The following SCN1A variants were observed in gnomAD, a reference collection of about 807,000 sequenced individuals.
SCN1A encodes sodium voltage-gated channel alpha subunit 1, also known as sodium channel protein type 1 subunit alpha.
SCN1A carries 13 observed loss-of-function variants against 193.7 expected under a neutral mutation model. The ratio of observed to expected loss-of-function variants is 0.07; its 90% confidence interval spans 0.04 to 0.11. The LOEUF (loss-of-function observed/expected upper bound fraction) is 0.11, where lower values mean the gene tolerates loss of function less well. Among genes scored for constraint, SCN1A ranks in the 10% least tolerant of loss-of-function variants. The pLI is 1.00. For missense variants in SCN1A, 1,432 were observed against 2,451.1 expected (o/e 0.58, Z 8.78); for synonymous variants, 781 against 843.6 (o/e 0.93, Z 1.29).
At chr2:166,054,159 G>T (rs1401514997) in intron 7 of SCN1A, among the ~76,000 whole-genome samples, 6 of 151,832 alleles carry the variant, frequency 4.0e-5, no homozygotes, top group South Asian at 2.1e-4. Context: ...AGTTTGATTT[G>T]TCAGATCGTT....
At chr2:166,096,280 T>C (rs1687365163) in intron 2 of SCN1A, among the ~76,000 whole-genome samples, 1 of 152,026 alleles carries the variant, frequency 6.6e-6, no homozygotes, top group South Asian at 2.1e-4. Context: ...GGATGAAAAA[T>C]CACTTTTTTT....
At chr2:166,116,222 G>A (rs1412765967) in intron 2 of SCN1A, among the ~76,000 whole-genome samples, 2 of 152,220 alleles carry the variant, frequency 1.3e-5, no homozygotes, top group African/African-American at 2.4e-5. Flanking sequence ...TGGAGATCAG[G>A]TTCTAATTGA....
In SCN1A at chr2:166,073,435, A is replaced by G. The variant is rs121917907; in HGVS notation, c.187T>C (p.Phe63Leu). Residue 63 changes from phenylalanine to leucine, a missense_variant, in exon 4 of 29, where the codon TTT (phenylalanine) becomes CTT (leucine). Phe to Leu is a conservative substitution (Grantham distance 22, BLOSUM62 0). This residue lies in a region of SCN1A where 123 missense variants were observed against 282.8 expected (regional missense o/e 0.43). Coordinates refer to ENST00000674923, the MANE Select transcript of SCN1A (RefSeq NM_001165963.4). ...SDLEAGKNLP[F>L]IYGDIPPEMV... ...TCTGGAGGAATGTCTCCATAAATAA[A>G]TGGAAGGTTCTTTCCAGCTTCCAAG... is the stretch of plus-strand genomic sequence containing the variant. 3 of 1,614,072 alleles carry G rather than the reference A, an allele frequency of 1.9e-6. No individual in the cohort carries two copies. The highest frequency in any genetic ancestry group is 1.7e-5 in the Admixed American group (1 of 60,006).
chr2:166,059,106 G>A (rs367641266), intron 4 of SCN1A, among the ~76,000 whole-genome samples: 32 of 152,092 alleles, frequency 2.1e-4, no homozygotes, highest in African/African-American at 7.0e-4. Context: ...CCTGTGGAAC[G>A]CAAAATCATT....
At chr2:166,050,011 T>C (rs1698343382) in intron 9 of SCN1A, among the ~76,000 whole-genome samples, 1 of 152,044 alleles carries the variant, frequency 6.6e-6, no homozygotes, top group Non-Finnish European at 1.5e-5. Flanking sequence ...CATAGTTCTG[T>C]ACAGGACACA....
chr2:166,067,240 C>G (rs1683935291), intron 4 of SCN1A, among the ~76,000 whole-genome samples: 1 of 152,054 alleles, frequency 6.6e-6, no homozygotes, highest in African/African-American at 2.4e-5. Flanking sequence ...TTGTCACCTC[C>G]CTGTCTCTGT....
At position 166,044,053 on chromosome 2, in the gene SCN1A, G is replaced by T. The variant is rs774453092; in HGVS notation, c.1663-4C>A. ...AGCCACGGATGCTCAACAAAGACTA[G>T]AAGTTTGAAAGAGCAAACAAATAAA... On this transcript the variant is annotated splice_polypyrimidine_tract_variant and splice_region_variant and intron_variant, in intron 13 of 28. Coordinates refer to ENST00000674923, the MANE Select transcript of SCN1A (RefSeq NM_001165963.4). The T allele has an allele frequency of 6.2e-7, 1 of 1,614,084 alleles. No homozygotes were observed. The highest frequency in any genetic ancestry group is 8.5e-7 in the Non-Finnish European group (1 of 1,180,006).
At chr2:166,000,950 C>A (rs523119) in intron 24 of SCN1A, among the ~76,000 whole-genome samples, 1 of 149,974 alleles carries the variant, frequency 6.7e-6, no homozygotes, top group African/African-American at 2.4e-5. Flanking sequence ...AGGACCATCA[C>A]TGTATTTTCA....
intron 19 of SCN1A, among the ~76,000 whole-genome samples, chr2:166,017,886 A>G (rs1693515247): frequency 6.6e-6 from 1 of 151,998 alleles, no homozygotes; most frequent in Non-Finnish European, 1.5e-5. Context: ...GTCTATACCA[A>G]GACTCACAAA....
chr2:165,995,139 G>A (rs1336736861), intron 27 of SCN1A, among the ~76,000 whole-genome samples: 1 of 151,586 alleles, frequency 6.6e-6, no homozygotes, highest in African/African-American at 2.4e-5. Flanking sequence ...TATTTCTTTG[G>A]GCCACTGAGG....
chr2:166,146,785 AAG>A (rs1692339589), intron 1 of SCN1A, among the ~76,000 whole-genome samples: 1 of 152,198 alleles, frequency 6.6e-6, no homozygotes, highest in African/African-American at 2.4e-5. Flanking sequence ...TTTAACTTCT[AAG>A]AGCTAAAGTT....
chr2:166,005,417 G>A (rs929104053), intron 23 of SCN1A, among the ~76,000 whole-genome samples: 1 of 151,332 alleles, frequency 6.6e-6, no homozygotes, highest in African/African-American at 2.4e-5. Flanking sequence ...TTTGAAACTG[G>A]GGATTGATTT....
intron 24 of SCN1A, among the ~76,000 whole-genome samples, chr2:166,001,941 G>T (rs1456634962): frequency 7.6e-6 from 1 of 131,110 alleles, no homozygotes; most frequent in Non-Finnish European, 1.6e-5. Context: ...CCAGGCTGGA[G>T]TGCAGTGGCA....
chr2:166,010,048 GA>G (rs903916977), intron 22 of SCN1A, among the ~76,000 whole-genome samples: 29 of 147,464 alleles, frequency 2.0e-4, no homozygotes, highest in African/African-American at 4.2e-4. Context: ...AAAGCTAGTT[GA>G]AAAAAAATCC....
At chr2:166,025,826 T>G (rs974271957) in intron 19 of SCN1A, among the ~76,000 whole-genome samples, 13 of 152,210 alleles carry the variant, frequency 8.5e-5, no homozygotes, top group Non-Finnish European at 1.8e-4. Flanking sequence ...TTTCATCCCT[T>G]CTTAATCATA....
chr2:166,045,406 G>T, intron 12 of SCN1A, 79 bp from the exon 13 acceptor site: 1 of 1,475,272 alleles, frequency 6.8e-7, no homozygotes, highest in South Asian at 1.1e-5. Context: ...GTATTTGCAT[G>T]GCTTTTAAAA....
At chr2:166,105,448 C>A (rs1159199028) in intron 2 of SCN1A, among the ~76,000 whole-genome samples, 1 of 152,104 alleles carries the variant, frequency 6.6e-6, no homozygotes, top group East Asian at 1.9e-4. Context: ...TCAGTGAAAC[C>A]CTTTACATTG....
intron 4 of SCN1A, among the ~76,000 whole-genome samples, chr2:166,072,842 T>C (rs1187112515): frequency 4.1e-5 from 5 of 123,304 alleles, no homozygotes; most frequent in Admixed American, 7.5e-5. Flanking sequence ...TCTTTCTTTT[T>C]TTTTTTTTTT....
chr2:166,029,671 C>A (rs564422548), intron 19 of SCN1A, among the ~76,000 whole-genome samples: 1 of 152,140 alleles, frequency 6.6e-6, no homozygotes. Context: ...CTGCCCATCA[C>A]CTATTTATTC....
Sources: allele counts gnomAD v4.1 joint callset (sites outside exome capture counted in the v4.1 genomes callset), GRCh38; gene constraint gnomAD v4.1.1; regional missense constraint gnomAD v4.1.1; transcripts MANE v1.5; gene names NCBI Gene and HGNC (gene_info 2026-07-23, HGNC 2026-07-21).